Variants in ARAP2 observed in about 807,000 individuals in gnomAD.
ARAP2 encodes the protein arf-GAP with Rho-GAP domain, ANK repeat and PH domain-containing protein 2.
In ARAP2, 148 loss-of-function variants were observed where a neutral mutation model predicts 194.5. The ratio of observed to expected loss-of-function variants is 0.76; its 90% CI spans 0.67 to 0.87. The LOEUF is 0.87. Among genes scored for constraint, ARAP2 ranks in the 40% least tolerant of loss-of-function variants. The probability of loss-of-function intolerance (pLI) is 0.00; values close to 1 mark genes in which losing one functional copy is unlikely to be tolerated. For synonymous variants in ARAP2, 695 were observed against 683.5 expected (o/e 1.02, Z -0.26); for missense variants, 2,128 against 1,989.7 (o/e 1.07, Z -1.32).
chr4:36,058,016 G>A (rs937802734), exon 2 of ARAP2: 1 of 151,960 alleles, frequency 6.6e-6, no homozygotes, highest in African/African-American at 2.4e-5. Context: ...TGATCCAATG[G>A]GACTGAGCTG....
intron 28 of ARAP2, among the ~76,000 whole-genome samples, chr4:36,089,664 T>C (rs1245221180): frequency 3.3e-5 from 5 of 152,226 alleles, no homozygotes; most frequent in Admixed American, 3.3e-4. Context: ...TGGTTCTAGT[T>C]TTAATTTCCC....
intron 15 of ARAP2, among the ~76,000 whole-genome samples, chr4:36,155,667 T>C (rs1732100066): frequency 6.6e-6 from 1 of 151,656 alleles, no homozygotes; most frequent in Non-Finnish European, 1.5e-5. Context: ...TTTTTTATTT[T>C]TAATTTTTTT....
intron 8 of ARAP2, among the ~76,000 whole-genome samples, chr4:36,014,336 A>AGAG (rs1715341675): frequency 2.3e-5 from 2 of 85,796 alleles, no homozygotes; most frequent in Admixed American, 1.2e-4. Flanking sequence ...GAAAGAAAGA[A>AGAG]AGAAAGAAAG....
intron 5 of ARAP2, among the ~76,000 whole-genome samples, chr4:36,040,358 A>G (rs192450853): frequency 6.6e-6 from 1 of 152,306 alleles, no homozygotes; most frequent in East Asian, 1.9e-4. Flanking sequence ...AATTCTTAAG[A>G]AAGAATCTAG....
At chr4:36,194,153 C>T (rs376622793) in intron 6 of ARAP2, among the ~76,000 whole-genome samples, 6 of 152,054 alleles carry the variant, frequency 3.9e-5, no homozygotes, top group East Asian at 1.9e-4. Flanking sequence ...TATACAGAAT[C>T]ATTTATAAGC....
At position 36,121,464 on chromosome 4, in the gene ARAP2, A is replaced by G. The variant is rs529902044; in HGVS notation, c.3747-138T>C. 23 of 695,146 alleles carry G rather than the reference A, an allele frequency of 3.3e-5. No individual in the cohort carries two copies. The African/African-American group carries it at 3.9e-4, about 12-fold the overall frequency. 43.1% of individuals were successfully genotyped at this position (695,146 alleles called of 1,614,324 possible). On this transcript the variant is annotated intron_variant, in intron 22 of 32. Coordinates refer to ENST00000303965, the MANE Select transcript of ARAP2 (RefSeq NM_015230.4). ...AAAGATACAGTGGTGACTTAAAAGC[A>G]TATGGTTCTTTCTTCTAAGTAGCTT...
In ARAP2 at chr4:36,213,233, T is replaced by A. The variant is rs774262488; in HGVS notation, c.1041+10A>T. On this transcript the variant is annotated intron_variant, in intron 4 of 32. Transcript: ENST00000303965. ...GATTATGGAAAACAATTAAAATGTA[T>A]GGGACTAACCTTGGAATTTTCTAGT... The A allele has an allele frequency of 1.3e-6, 2 of 1,557,262 alleles. No homozygotes were observed. Among genetic ancestry groups the A allele is most frequent in the Non-Finnish European group, 1.8e-6 (2 of 1,131,788 alleles).
At chr4:36,163,416 G>A (rs1444996644) in intron 11 of ARAP2, among the ~76,000 whole-genome samples, 1 of 152,240 alleles carries the variant, frequency 6.6e-6, no homozygotes, top group East Asian at 1.9e-4. Flanking sequence ...GGTAAAATAC[G>A]TTGGTAAATG....
intron 1 of ARAP2, among the ~76,000 whole-genome samples, chr4:36,233,432 G>T (rs1217138993): frequency 6.6e-6 from 1 of 152,128 alleles, no homozygotes; most frequent in Non-Finnish European, 1.5e-5. Context: ...ACTAGGATGT[G>T]TGACAAAATG....
At chr4:36,131,070 T>C (rs950809849) in intron 20 of ARAP2, among the ~76,000 whole-genome samples, 2 of 151,810 alleles carry the variant, frequency 1.3e-5, no homozygotes, top group African/African-American at 4.8e-5. Context: ...AGAAAATTGG[T>C]CTTGAGATTT....
At chr4:36,108,692 T>C (rs561562052) in intron 26 of ARAP2, among the ~76,000 whole-genome samples, 2 of 152,086 alleles carry the variant, frequency 1.3e-5, no homozygotes, top group African/African-American at 4.8e-5. Context: ...AAAGAACAAG[T>C]TTTAGAATTA....
intron 6 of ARAP2, among the ~76,000 whole-genome samples, chr4:36,201,714 C>T (rs547974332): frequency 2.8e-4 from 43 of 152,110 alleles, no homozygotes; most frequent in Non-Finnish European, 5.3e-4. Context: ...ACACTGTATA[C>T]ACACACAATT....
chr4:36,022,206 A>G (rs1717081622), intron 5 of ARAP2, among the ~76,000 whole-genome samples: 1 of 152,188 alleles, frequency 6.6e-6, no homozygotes, highest in South Asian at 2.1e-4. Flanking sequence ...TAGGAAGGAG[A>G]CTAAACTGCT....
chr4:36,013,308 T>C (rs1425520633), intron 8 of ARAP2, among the ~76,000 whole-genome samples: 1 of 152,168 alleles, frequency 6.6e-6, no homozygotes, highest in Non-Finnish European at 1.5e-5. Context: ...GTAATACCCT[T>C]TCTGGAATAA....
chr4:36,050,242 G>C (rs190206884), intron 3 of ARAP2, among the ~76,000 whole-genome samples: 44 of 152,262 alleles, frequency 2.9e-4, no homozygotes, highest in Non-Finnish European at 5.1e-4. Flanking sequence ...TTGGCAGAGA[G>C]CATCTGCAGC....
At chr4:36,119,851 A>G in intron 23 of ARAP2, 133 bp from the exon 24 acceptor site, 3 of 569,776 alleles carry the variant, frequency 5.3e-6, no homozygotes. Context: ...CGGAATCAAT[A>G]TGAGCCCACA....
chr4:36,082,225 C>A lies in ARAP2; in HGVS notation c.4544+26G>T, dbSNP rs772989095. On this transcript the variant is annotated intron_variant, in intron 30 of 32. Transcript: ENST00000303965. ...TGAAATTGTCACCAATATATTATGT[C>A]CAAAAGTTGTCAGCTGTTAACTTAC... The A allele has an allele frequency of 2.5e-6, 4 of 1,602,390 alleles. No homozygotes were observed. The Admixed American group carries it at 5.0e-5, about 20-fold the overall frequency.
downstream of ARAP2, among the ~76,000 whole-genome samples, chr4:36,063,674 C>T (rs1416663854): frequency 1.3e-5 from 2 of 152,196 alleles, no homozygotes; most frequent in Non-Finnish European, 1.5e-5. Flanking sequence ...AGTTGGCCAT[C>T]TTCTTGGTTT....
At chr4:36,055,300 A>C (rs2109260478) in intron 2 of ARAP2, among the ~76,000 whole-genome samples, 1 of 152,314 alleles carries the variant, frequency 6.6e-6, no homozygotes, top group African/African-American at 2.4e-5. Flanking sequence ...GAATGTGTCC[A>C]TATTGTTCTT....
Sources: allele counts gnomAD v4.1 joint callset (sites outside exome capture counted in the v4.1 genomes callset), GRCh38; gene constraint gnomAD v4.1.1; transcripts MANE v1.5; gene names NCBI Gene and HGNC (gene_info 2026-07-23, HGNC 2026-07-21).